Variants in DPP6 observed in about 807,000 individuals in gnomAD.
The protein encoded by DPP6 is A-type potassium channel modulatory protein DPP6.
Under a neutral mutation model 122.6 loss-of-function variants are expected in DPP6, and 69 were observed. The ratio of observed to expected loss-of-function variants is 0.56; its 90% confidence interval spans 0.46 to 0.69. DPP6 has a LOEUF of 0.69. Among genes scored for constraint, DPP6 ranks in the 30% least tolerant of loss-of-function variants. The pLI is 0.00. For missense variants in DPP6, 928 were observed against 1,116.9 expected (o/e 0.83, Z 2.41); for synonymous variants, 418 against 433.1 (o/e 0.97, Z 0.43).
At chr7:154,462,268 G>C (rs1262570618) in intron 2 of DPP6, among the ~76,000 whole-genome samples, 1 of 152,148 alleles carries the variant, frequency 6.6e-6, no homozygotes, top group Admixed American at 6.5e-5. Context: ...CTATAGTTCT[G>C]TAGTATAATT....
chr7:153,788,380 C>T, the DPP6 span, among the ~76,000 whole-genome samples: 39 of 152,244 alleles, frequency 2.6e-4, no homozygotes, highest in South Asian at 4.8e-3. Flanking sequence ...GTTACTCATA[C>T]GTGCAAAAGT....
chr7:154,884,454 T>TGCTC (rs1584984101), intron 21 of DPP6: 2 of 81,346 alleles, frequency 2.5e-5, no homozygotes, highest in South Asian at 3.5e-4. Flanking sequence ...CATGCTCACA[T>TGCTC]ACACACGAGT....
intron 1 of DPP6, among the ~76,000 whole-genome samples, chr7:154,297,063 G>GTTTTTTTT (rs34506058): frequency 1.5e-3 from 188 of 125,144 alleles, no homozygotes; most frequent in Non-Finnish European, 2.4e-3. Flanking sequence ...AATGTATTCT[G>GTTTTTTTT]TTTTTTTTTT....
intron 1 of DPP6, among the ~76,000 whole-genome samples, chr7:153,972,343 C>T (rs533124661): frequency 9.9e-5 from 15 of 151,646 alleles, no homozygotes; most frequent in Non-Finnish European, 2.2e-4. Flanking sequence ...TTTTGCCTCA[C>T]AAACACTAAG....
intron 9 of DPP6, among the ~76,000 whole-genome samples, chr7:154,772,410 T>A (rs1213806017): frequency 6.6e-6 from 1 of 152,110 alleles, no homozygotes; most frequent in Non-Finnish European, 1.5e-5. Flanking sequence ...AGCAGAATAG[T>A]GCCCCAGTTC....
chr7:154,266,092 T>C (rs1477827263), intron 1 of DPP6, among the ~76,000 whole-genome samples: 1 of 152,178 alleles, frequency 6.6e-6, no homozygotes, highest in Non-Finnish European at 1.5e-5. Flanking sequence ...TGATGAGATT[T>C]CTCTCATATC....
At chr7:154,645,991 G>A (rs1190697047) in intron 6 of DPP6, among the ~76,000 whole-genome samples, 2 of 126,944 alleles carry the variant, frequency 1.6e-5, no homozygotes, top group Non-Finnish European at 3.1e-5. Context: ...CTGTGCCACT[G>A]CACTCCAGCT....
chr7:154,885,639 G>A lies in DPP6; in HGVS notation c.2140G>A (p.Gly714Ser), dbSNP rs2150692867. ...TRVAVFGKDYGGYLSTYILPA... is the reference protein window; with the variant it reads ...TRVAVFGKDYSGYLSTYILPA... Reference sequence around the variant, plus strand: ...CTCTCTGCGCTTTCTCCAGGATTACGGTGGCTACCTGAGCACCTACATCCT... The same window carrying A: ...CTCTCTGCGCTTTCTCCAGGATTACAGTGGCTACCTGAGCACCTACATCCT... Residue 714 changes from glycine to serine, a missense_variant, in exon 22 of 26, where the codon GGT (glycine) becomes AGT (serine). Physicochemically the swap from Gly to Ser is moderately conservative, Grantham distance 56. Transcript: ENST00000377770. 1.9e-6 allele frequency: 3 copies of A among 1,573,068 alleles called. No homozygotes were observed. Among genetic ancestry groups the A allele is most frequent in the Non-Finnish European group, 2.6e-6 (3 of 1,159,484 alleles).
chr7:154,183,160 CT>C (rs1798179059), intron 1 of DPP6, among the ~76,000 whole-genome samples: 1 of 152,176 alleles, frequency 6.6e-6, no homozygotes, highest in Non-Finnish European at 1.5e-5. Flanking sequence ...TCTCTTCCTC[CT>C]TTCTTGCCCC....
intron 1 of DPP6, among the ~76,000 whole-genome samples, chr7:154,410,564 A>G (rs756333327): frequency 1.3e-5 from 2 of 152,140 alleles, no homozygotes; most frequent in African/African-American, 2.4e-5. Context: ...CTTTTTTTCT[A>G]CATTTCTCTA....
chr7:154,788,089 G>A (rs916819443), intron 10 of DPP6, among the ~76,000 whole-genome samples: 2 of 152,102 alleles, frequency 1.3e-5, no homozygotes. Context: ...TACATGTTGA[G>A]TTTTTAATTT....
intron 1 of DPP6, among the ~76,000 whole-genome samples, chr7:154,398,605 C>T (rs1311926710): frequency 2.0e-5 from 3 of 149,698 alleles, no homozygotes; most frequent in African/African-American, 7.5e-5. Flanking sequence ...GAGGGACATC[C>T]TTCATATTTT....
chr7:154,635,250 G>T (rs1286979385), intron 5 of DPP6, among the ~76,000 whole-genome samples: 1 of 152,090 alleles, frequency 6.6e-6, no homozygotes, highest in Non-Finnish European at 1.5e-5. Flanking sequence ...CCTAATATGT[G>T]GTACGTGCTC....
chr7:153,997,588 G>A (rs1797500666), intron 1 of DPP6, among the ~76,000 whole-genome samples: 1 of 45,028 alleles, frequency 2.2e-5, no homozygotes, highest in African/African-American at 1.0e-4. Flanking sequence ...GAGTATGAGT[G>A]CACAGCACAC....
intron 7 of DPP6, among the ~76,000 whole-genome samples, chr7:154,682,419 G>A (rs900574289): frequency 3.3e-5 from 5 of 152,226 alleles, no homozygotes; most frequent in African/African-American, 9.6e-5. Flanking sequence ...GATCGTCTCC[G>A]CAGTGTCATA....
chr7:153,852,874 G>C, the DPP6 span, among the ~76,000 whole-genome samples: 2 of 152,002 alleles, frequency 1.3e-5, no homozygotes, highest in East Asian at 3.9e-4. Context: ...AATGCATCTC[G>C]ACTGTGGTTG....
chr7:153,783,700 A>T, the DPP6 span, among the ~76,000 whole-genome samples: 1 of 152,250 alleles, frequency 6.6e-6, no homozygotes, highest in East Asian at 1.9e-4. Context: ...ATGATCAGAG[A>T]GTAATTCATA....
intron 1 of DPP6, among the ~76,000 whole-genome samples, chr7:154,266,666 C>T (rs1803441076): frequency 1.3e-5 from 2 of 152,180 alleles, no homozygotes; most frequent in African/African-American, 4.8e-5. Flanking sequence ...ACTAACAGTG[C>T]TTACTGGGTT....
chr7:154,748,901 T>C (rs1843169490), intron 8 of DPP6, among the ~76,000 whole-genome samples: 1 of 152,196 alleles, frequency 6.6e-6, no homozygotes, highest in Non-Finnish European at 1.5e-5. Context: ...TATTTCCAGG[T>C]GGCTCAAGTC....
Sources: allele counts gnomAD v4.1 joint callset (sites outside exome capture counted in the v4.1 genomes callset), GRCh38; gene constraint gnomAD v4.1.1; transcripts MANE v1.5; gene names NCBI Gene and HGNC (gene_info 2026-07-23, HGNC 2026-07-21).